Variants in NOP56 observed in about 807,000 individuals in gnomAD.
The protein encoded by NOP56 is NOP56 ribonucleoprotein, also known as nucleolar protein 56.
In NOP56, 31 loss-of-function variants were observed where a neutral mutation model predicts 58.3. That is an observed-to-expected ratio of 0.53 (90% CI 0.40 to 0.72). NOP56 has a LOEUF of 0.72. NOP56 is among the 30% of genes least tolerant of loss of function. The probability of loss-of-function intolerance (pLI) is 0.00; values close to 1 mark genes in which losing one functional copy is unlikely to be tolerated. For missense variants in NOP56, 669 were observed against 739.9 expected (o/e 0.90, Z 1.11); for synonymous variants, 313 against 282.8 (o/e 1.11, Z -1.07).
intron 3 of NOP56, 184 bp downstream of exon 3, chr20:2,653,577 G>A (rs982562789): frequency 3.3e-6 from 2 of 598,724 alleles, no homozygotes; most frequent in Non-Finnish European, 3.0e-6. Context: ...TCTGGGAACT[G>A]TGCTAGACCA....
In NOP56 at chr20:2,653,272, C is replaced by G; in HGVS notation, c.94-7C>G. 1 of 1,609,436 alleles carries G rather than the reference C, an allele frequency of 6.2e-7. No individual in the cohort carries two copies. Among genetic ancestry groups the G allele is most frequent in the Admixed American group, 1.7e-5 (1 of 60,024 alleles). On this transcript the variant is annotated splice_polypyrimidine_tract_variant and splice_region_variant and intron_variant, in intron 2 of 11. Transcript: ENST00000329276. The stretch of plus-strand genomic sequence containing the variant: ...AAGGAAACCACTTAGCCTCTTTCTC[C>G]CCCCAGGTGGAGGAGTCTGTGCTCA...
In NOP56 at chr20:2,656,414, A is replaced by C. The variant is rs2086817785; in HGVS notation, c.1024A>C (p.Arg342=). 2 of 1,614,148 alleles carry C rather than the reference A, an allele frequency of 1.2e-6. No individual in the cohort carries two copies. Among genetic ancestry groups the C allele is most frequent in the African/African-American group, 1.3e-5 (1 of 75,048 alleles). ...ATATTCTCTCAGAGCCCTGAAGACAAGGGGTAACACTCCAAAATATGGACT... is the reference window on the plus strand; with the variant it reads ...ATATTCTCTCAGAGCCCTGAAGACACGGGGTAACACTCCAAAATATGGACT... ...EKALFRALKT[R]GNTPKYGLIF... is the part of the protein sequence containing the mutation. The change falls in exon 9 of 12, where the codon AGG becomes CGG. Residue 342 remains arginine (R), a synonymous_variant. Coordinates refer to ENST00000329276, the MANE Select transcript of NOP56 (RefSeq NM_006392.4).
At position 2,652,649 on chromosome 20, in the gene NOP56, G is replaced by C; in HGVS notation, c.-12G>C. The stretch of plus-strand genomic sequence containing the variant: ...CTAGCCGCATTGCGAGCCGAACCCG[G>C]GAGCTGGCGCCATGGTGAGGAGTGG... On this transcript the variant is annotated 5_prime_UTR_variant, in exon 1 of 12. Transcript: ENST00000329276. The C allele has an allele frequency of 1.4e-6, 2 of 1,425,360 alleles. No individual in the cohort carries two copies. Among genetic ancestry groups the C allele is most frequent in the South Asian group, 1.5e-5 (1 of 64,566 alleles). 88.3% of individuals were successfully genotyped at this position (1,425,360 alleles called of 1,614,324 possible). A position where few individuals can be genotyped will look rare whatever the true frequency, so the allele number is the denominator to read the frequency against.
At chr20:2,654,042 C>T (rs1382343615) in intron 3 of NOP56, 3 of 418,250 alleles carry the variant, frequency 7.2e-6, no homozygotes, top group African/African-American at 2.0e-5. Flanking sequence ...TGGTTCTCTG[C>T]TTTCTGTTCG....
intron 3 of NOP56, 124 bp from the exon 4 acceptor site, chr20:2,654,290 C>T: frequency 1.0e-6 from 1 of 968,062 alleles, no homozygotes; most frequent in East Asian, 2.4e-5. Flanking sequence ...TGAGCAATGC[C>T]TGATGGGGAG....
intron 5 of NOP56, 92 bp from the exon 6 acceptor site, chr20:2,655,233 T>C (rs561324297): frequency 4.8e-6 from 7 of 1,469,922 alleles, no homozygotes; most frequent in Non-Finnish European, 6.7e-6. Flanking sequence ...TCCCATTTCC[T>C]CCAGGCAGAG....
At chr20:2,653,981 G>A (rs900737024) in intron 3 of NOP56, among the ~76,000 whole-genome samples, 4 of 152,044 alleles carry the variant, frequency 2.6e-5, no homozygotes, top group African/African-American at 7.2e-5. Flanking sequence ...AAAGGGGGTC[G>A]GCTTAACACC....
In NOP56 at chr20:2,657,122, A is replaced by G. The variant is rs1384975145; in HGVS notation, c.1323A>G (p.Lys441=). Reference sequence around the variant, plus strand: ...CTGAGATTACTAGGAAGCTGGAGAAACAGGAGAAGAAACGCTTAAAGAAGG... The same window carrying G: ...CTGAGATTACTAGGAAGCTGGAGAAGCAGGAGAAGAAACGCTTAAAGAAGG... ...AAAEITRKLE[K]QEKKRLKKEK... The change falls in exon 11 of 12, where the codon AAA becomes AAG. Residue 441 remains lysine (K), a synonymous_variant. Transcript: ENST00000329276. The G allele has an allele frequency of 6.2e-7, 1 of 1,614,190 alleles. No individual in the cohort carries two copies. Among genetic ancestry groups the G allele is most frequent in the East Asian group, 2.2e-5 (1 of 44,890 alleles).
At chr20:2,657,326 C>A in intron 11 of NOP56, 108 bp downstream of exon 11, 1 of 1,497,766 alleles carries the variant, frequency 6.7e-7, no homozygotes, top group Non-Finnish European at 9.3e-7. Flanking sequence ...GGCTTTTGGA[C>A]TGAAACAAGG....
At chr20:2,657,470 C>G (rs1320827772) in intron 11 of NOP56, 16 of 688,336 alleles carry the variant, frequency 2.3e-5, no homozygotes, top group Admixed American at 2.1e-5. Flanking sequence ...GGCTGCCTCC[C>G]AGGAGTCCTC....
chr20:2,655,168 C>A, intron 5 of NOP56, 157 bp from the exon 6 acceptor site: 1 of 1,108,558 alleles, frequency 9.0e-7, no homozygotes, highest in Non-Finnish European at 1.4e-6. Flanking sequence ...AGGCCCTGTG[C>A]CTGGTCTGTA....
chr20:2,658,241 A>G lies in NOP56; in HGVS notation c.1732A>G (p.Lys578Glu), dbSNP rs1249654090. The change falls in exon 12 of 12, where the codon AAG becomes GAG. Residue 578 changes from lysine (K) to glutamate (E), a missense_variant. By Grantham distance (56) the Lys-to-Glu change is moderately conservative. Coordinates refer to ENST00000329276, the MANE Select transcript of NOP56 (RefSeq NM_006392.4). ...VSSGPEEAVG[K>E]SSSKKKKKFH... Reference sequence around the variant, plus strand: ...CAGTGGGCCTGAAGAGGCGGTTGGCAAGAGCAGCTCCAAGAAGAAGAAAAA... The same window carrying G: ...CAGTGGGCCTGAAGAGGCGGTTGGCGAGAGCAGCTCCAAGAAGAAGAAAAA... The G allele has an allele frequency of 6.3e-7, 1 of 1,599,398 alleles. No individual in the cohort carries two copies. The highest frequency in any genetic ancestry group is 8.5e-7 in the Non-Finnish European group (1 of 1,172,920).
At position 2,657,104 on chromosome 20, in the gene NOP56, T is replaced by C. The variant is rs1600160999; in HGVS notation, c.1305T>C (p.Ile435=). 1 of 1,614,116 alleles carries C rather than the reference T, an allele frequency of 6.2e-7. No homozygotes were observed. Among genetic ancestry groups the C allele is most frequent in the Non-Finnish European group, 8.5e-7 (1 of 1,180,022 alleles). The part of the protein sequence containing the change: ...MVQAEEAAAE[I]TRKLEKQEKK... ...AGGCAGAGGAAGCGGCTGCTGAGAT[T>C]ACTAGGAAGCTGGAGAAACAGGAGA... The change falls in exon 11 of 12, where the codon ATT becomes ATC. Residue 435 remains isoleucine, a synonymous_variant. Coordinates refer to ENST00000329276, the MANE Select transcript of NOP56 (RefSeq NM_006392.4).
intron 4 of NOP56, 57 bp downstream of exon 4, chr20:2,654,632 C>T: frequency 6.2e-7 from 1 of 1,608,176 alleles, no homozygotes; most frequent in Non-Finnish European, 8.5e-7. Flanking sequence ...GGAGGAGGTT[C>T]TGGAAACTTG....
chr20:2,652,962 C>T (rs1445896979), intron 2 of NOP56, 31 bp downstream of exon 2: 3 of 1,536,966 alleles, frequency 2.0e-6, no homozygotes, highest in South Asian at 2.4e-5. Flanking sequence ...CCTTTGGCGG[C>T]CCCGCAGACC....
In NOP56 at chr20:2,654,418, T is replaced by G. The variant is rs2086791042; in HGVS notation, c.213T>G (p.Val71=). The G allele has an allele frequency of 3.1e-6, 5 of 1,613,996 alleles. No homozygotes were observed. Among genetic ancestry groups the G allele is most frequent in the African/African-American group, 1.3e-5 (1 of 74,876 alleles). Residue 71 remains valine, a synonymous_variant, in exon 4 of 12, where the codon GTT becomes GTG. Transcript: ENST00000329276. Reference sequence around the variant, plus strand: ...AACTGTGTTCTTTCCCCTGAGGGGTTGTTCATGAGGACCTCCGCCTGCTCT... The same window carrying G: ...AACTGTGTTCTTTCCCCTGAGGGGTGGTTCATGAGGACCTCCGCCTGCTCT... ...LENANAVSEG[V]VHEDLRLLLE... is the part of the protein sequence containing the mutation.
chr20:2,657,873 G>A (rs201519212), intron 11 of NOP56, 56 bp from the exon 12 acceptor site: 54 of 1,513,470 alleles, frequency 3.6e-5, no homozygotes, highest in Admixed American at 1.3e-4. Flanking sequence ...CTACTTAATT[G>A]CTGAAGATGT....
At position 2,655,364 on chromosome 20, in the gene NOP56, C is replaced by G. The variant is rs751447208; in HGVS notation, c.609C>G (p.Ile203Met). 9.9e-6 allele frequency: 16 copies of G among 1,614,096 alleles called. No individual in the cohort carries two copies. The Admixed American group carries it at 2.7e-4, about 27-fold the overall frequency. ...YGYHFPELVK[I>M]INDNATYCRL... ...ATCACTTTCCGGAGCTGGTGAAGAT[C>G]ATCAACGACAATGCCACATACTGCC... is the stretch of plus-strand genomic sequence containing the variant. Residue 203 changes from isoleucine (I) to methionine (M), a missense_variant, in exon 6 of 12, where the codon ATC becomes ATG. Around this residue, in one of 3 missense-constraint regions of NOP56, gnomAD observed 339 missense variants for 430.5 expected, o/e 0.79. Coordinates refer to ENST00000329276, the MANE Select transcript of NOP56 (RefSeq NM_006392.4).
At chr20:2,656,685 G>A (rs778447371) in intron 9 of NOP56, 89 bp from the exon 10 acceptor site, 38 of 1,611,260 alleles carry the variant, frequency 2.4e-5, no homozygotes, top group Non-Finnish European at 3.1e-5. Context: ...GAGACTCTGG[G>A]TCTGAGTGAA....
Sources: gnomAD v4.1 joint callset for allele counts (sites outside exome capture counted in the v4.1 genomes callset) on GRCh38, gnomAD v4.1.1 for gene constraint, gnomAD v4.1.1 regional missense constraint, MANE v1.5 for transcripts, NCBI Gene and HGNC (gene_info 2026-07-23, HGNC 2026-07-21) for gene names.